CHD6: variants seen among roughly 807,000 people sequenced by gnomAD.
CHD6 encodes the protein ATP-dependent chromatin remodeler CHD6.
CHD6 carries 50 observed loss-of-function variants against 276.9 expected under a neutral mutation model. The ratio of observed to expected loss-of-function variants is 0.18; its 90% CI spans 0.14 to 0.23. The LOEUF (loss-of-function observed/expected upper bound fraction) is 0.23, where lower values mean the gene tolerates loss of function less well. CHD6 is among the 10% of genes least tolerant of loss of function. The probability of loss-of-function intolerance (pLI) is 1.00; values close to 1 mark genes in which losing one functional copy is unlikely to be tolerated. For synonymous variants in CHD6, 1,173 were observed against 1,229.3 expected, an observed-to-expected ratio of 0.95 and a Z score of 0.96; for missense variants, 2,564 against 3,365.8, an observed-to-expected ratio of 0.76 and a Z score of 5.89.
intron 1 of CHD6, among the ~76,000 whole-genome samples, chr20:41,554,983 G>A (rs1262400740): frequency 1.2e-4 from 18 of 150,056 alleles, no homozygotes; most frequent in South Asian, 2.1e-4. Context: ...CTCACCTCCC[G>A]GACGGGGCGG....
intron 1 of CHD6, among the ~76,000 whole-genome samples, chr20:41,590,655 A>C (rs2045647494): frequency 6.6e-6 from 1 of 152,236 alleles, no homozygotes. Context: ...CAAAACCACA[A>C]TGAGATACCA....
At chr20:41,503,412 TTTTA>T (rs1322734616) in intron 5 of CHD6, among the ~76,000 whole-genome samples, 2 of 152,178 alleles carry the variant, frequency 1.3e-5, no homozygotes, top group Admixed American at 6.5e-5. Flanking sequence ...TCTTTTAACT[TTTTA>T]TTTATTCTTT....
intron 1 of CHD6, among the ~76,000 whole-genome samples, chr20:41,581,954 A>G (rs895982520): frequency 6.6e-6 from 1 of 152,192 alleles, no homozygotes. Flanking sequence ...CTCTGTATAA[A>G]AGCAACTTCC....
Position 41,415,485 on chromosome 20 carries a change from C to G in CHD6, c.6640G>C (p.Glu2214Gln), listed in dbSNP as rs1465359988. ...GAGCAGGAGAGGTCCATAGCTGACT[C>G]CCCATGCCAGCCATTGAGGATGATA... is the stretch of plus-strand genomic sequence containing the variant. ...TPIILNGWHG[E>Q]SAMDLSCSSE... The change falls in exon 34 of 37, where the codon GAG becomes CAG. Residue 2214 changes from glutamate (E) to glutamine (Q), a missense_variant. Around this residue, in one of 7 missense-constraint regions of CHD6, gnomAD observed 1,024 missense variants for 1,047.9 expected, o/e 0.98. Transcript: ENST00000373233. 1 of 1,613,666 alleles carries G rather than the reference C, an allele frequency of 6.2e-7. No homozygotes were observed. The highest frequency in any genetic ancestry group is 1.3e-5 in the African/African-American group (1 of 74,928).
chr20:41,476,268 C>T (rs777074884), intron 16 of CHD6, among the ~76,000 whole-genome samples: 2 of 152,006 alleles, frequency 1.3e-5, no homozygotes, highest in Non-Finnish European at 2.9e-5. Context: ...TAACAAGATC[C>T]CTAGGAGTTG....
rs376540803 is a variant in CHD6, at chr20:41,451,043, G to A, written c.3586C>T (p.Pro1196Ser). The change falls in exon 23 of 37, where the codon CCA becomes TCA. Residue 1196 changes from proline (P) to serine (S), a missense_variant. Pro to Ser is a moderately conservative substitution (Grantham distance 74). Around this residue, in one of 7 missense-constraint regions of CHD6, gnomAD observed 515 missense variants for 739.5 expected, o/e 0.70. Coordinates refer to ENST00000373233, the MANE Select transcript of CHD6 (RefSeq NM_032221.5). ...AGCCAATCTGCATCCTTTAGCTCTG[G>A]GATTAGCAACTGGTTCTTCGTCTTC... ...GKKTKNQLLI[P>S]ELKDADWLAT... 6.2e-7 allele frequency: 1 copy of A among 1,613,922 alleles called. No homozygotes were observed. Among genetic ancestry groups the A allele is most frequent in the African/African-American group, 1.3e-5 (1 of 75,032 alleles).
chr20:41,405,361 A>G lies in CHD6; in HGVS notation c.7380T>C (p.Ser2460=), dbSNP rs2046643170. 6.2e-7 allele frequency: 1 copy of G among 1,614,094 alleles called. No individual in the cohort carries two copies. Among genetic ancestry groups the G allele is most frequent in the Admixed American group, 1.7e-5 (1 of 60,010 alleles). ...LLKAPSIVAD[S]PSGMGPLFMN... is the part of the protein sequence containing the mutation. ...TGAACAGTGGCCCCATTCCAGAGGG[A>G]GAGTCTGCCACAATGGAAGGAGCCT... Residue 2460 remains serine (S), a synonymous_variant, in exon 37 of 37, where the codon TCT becomes TCC. Transcript: ENST00000373233.
chr20:41,447,290 T>C (rs1229470292), intron 24 of CHD6, among the ~76,000 whole-genome samples: 1 of 152,224 alleles, frequency 6.6e-6, no homozygotes, highest in Non-Finnish European at 1.5e-5. Context: ...TGCACAGGGC[T>C]AGCAAACTGC....
Position 41,512,618 on chromosome 20 carries a change from A to C in CHD6, c.852+228T>G, listed in dbSNP as rs373557266. Among the ~76,000 whole-genome samples the C allele has an allele frequency of 5.3e-5, 8 of 152,136 alleles. No homozygotes were observed. The East Asian group carries it at 9.7e-4, about 18-fold the overall frequency. On this transcript the variant is annotated intron_variant, in intron 5 of 36. Transcript: ENST00000373233. ...ACAGGGAAAAATTGTTTATCTAAAA[A>C]AATGAAGAATTTGGCAAAACAAGGC... is the stretch of plus-strand genomic sequence containing the variant.
At chr20:41,590,783 A>G (rs1166029513) in intron 1 of CHD6, among the ~76,000 whole-genome samples, 1 of 152,000 alleles carries the variant, frequency 6.6e-6, no homozygotes, top group Non-Finnish European at 1.5e-5. Context: ...TGGTTCAACC[A>G]TTGCGGAAGA....
chr20:41,580,213 A>C (rs566154156), intron 1 of CHD6, among the ~76,000 whole-genome samples: 1 of 152,312 alleles, frequency 6.6e-6, no homozygotes, highest in Admixed American at 6.5e-5. Context: ...CTATGCAAAG[A>C]GTGTTTATGT....
intron 5 of CHD6, among the ~76,000 whole-genome samples, chr20:41,505,733 C>T (rs1031578598): frequency 2.0e-5 from 3 of 152,142 alleles, no homozygotes; most frequent in African/African-American, 7.2e-5. Context: ...TATTCATTCT[C>T]TTGGTGATCT....
At chr20:41,467,875 A>T (rs572923149) in intron 17 of CHD6, among the ~76,000 whole-genome samples, 1 of 151,632 alleles carries the variant, frequency 6.6e-6, no homozygotes, top group Non-Finnish European at 1.5e-5. Flanking sequence ...AACGTGACTC[A>T]TTCTATTTAG....
At chr20:41,499,685 T>G (rs1170790076) in intron 5 of CHD6, among the ~76,000 whole-genome samples, 1 of 152,194 alleles carries the variant, frequency 6.6e-6, no homozygotes, top group Non-Finnish European at 1.5e-5. Context: ...TGCATACAAT[T>G]TTCAGAAAGC....
At position 41,473,182 on chromosome 20, in the gene CHD6, CT is replaced by C; in HGVS notation, c.2664+139del. 1 of 688,520 alleles carries C rather than the reference CT, an allele frequency of 1.5e-6. No individual in the cohort carries two copies. Among genetic ancestry groups the C allele is most frequent in the Non-Finnish European group, 2.4e-6 (1 of 423,372 alleles). The allele number at this position is 688,520 out of a possible 1,614,324, so 42.7% of individuals were successfully genotyped here. A position where few individuals can be genotyped will look rare whatever the true frequency, so the allele number is the denominator to read the frequency against. ...TTTACTTTTCATTCAGTTTCACCCC[CT>C]GACCAAGGCCCTAAGCCTGTCATCC... is the stretch of plus-strand genomic sequence containing the variant. On this transcript the variant is annotated intron_variant, in intron 17 of 36. Transcript: ENST00000373233. The surrounding 1 kb of genome is among the most constrained non-coding windows in gnomAD (Gnocchi z 4.1).
At position 41,498,184 on chromosome 20, in the gene CHD6, C is replaced by T. The variant is rs1275754790; in HGVS notation, c.958G>A (p.Val320Ile). ...EPPFDLELFY[V>I]KYRNFSYLHC... is the part of the protein sequence containing the mutation. ...TAGACGTACAAATTTCTATACTTAA[C>T]GTAGAACAGCTCCAAGTCGAACGGA... The change falls in exon 7 of 37, where the codon GTT becomes ATT. Residue 320 changes from valine (V) to isoleucine (I), a missense_variant. Transcript: ENST00000373233. 1.2e-6 allele frequency: 2 copies of T among 1,609,930 alleles called. No homozygotes were observed. Among genetic ancestry groups the T allele is most frequent in the East Asian group, 2.2e-5 (1 of 44,762 alleles).
intron 1 of CHD6, among the ~76,000 whole-genome samples, chr20:41,572,152 C>T (rs2045424012): frequency 6.6e-6 from 1 of 152,210 alleles, no homozygotes; most frequent in South Asian, 2.1e-4. Flanking sequence ...ATGGACTGGA[C>T]TCTCCAGAAT....
intron 27 of CHD6, among the ~76,000 whole-genome samples, chr20:41,431,812 G>A (rs571647479): frequency 1.6e-5 from 2 of 125,366 alleles, no homozygotes; most frequent in Non-Finnish European, 3.3e-5. Flanking sequence ...TCCTAGATTT[G>A]GAGGTAAAGA....
At chr20:41,414,897 C>T (rs1018729163) in intron 34 of CHD6, 18 of 1,277,312 alleles carry the variant, frequency 1.4e-5, no homozygotes, top group Non-Finnish European at 1.7e-5. Context: ...TCTGCCGTGC[C>T]GTCAACAGTG....
Sources: gnomAD v4.1 joint callset for allele counts (sites outside exome capture counted in the v4.1 genomes callset) on GRCh38, gnomAD v4.1.1 for gene constraint, gnomAD v4.1.1 regional missense constraint, Gnocchi (gnomAD v3.1) non-coding constraint, MANE v1.5 for transcripts, NCBI Gene and HGNC (gene_info 2026-07-23, HGNC 2026-07-21) for gene names.